The following MAML2 variants were observed in gnomAD, a reference collection of about 807,000 sequenced individuals.
MAML2 encodes mastermind-like protein 2.
A neutral mutation model predicts 96.1 loss-of-function variants in MAML2; 22 were observed. The ratio of observed to expected loss-of-function variants is 0.23; its 90% CI spans 0.16 to 0.33. The LOEUF (loss-of-function observed/expected upper bound fraction) is 0.33. MAML2 is among the 10% of genes least tolerant of loss of function. The pLI is 1.00. For synonymous variants in MAML2, 561 were observed against 521.3 expected (o/e 1.08, Z -1.04); for missense variants, 1,367 against 1,392.4 (o/e 0.98, Z 0.29).
Position 96,092,300 on chromosome 11 carries a change from G to A in MAML2, c.1731C>T (p.Ser577=), listed in dbSNP as rs1430881358. The change falls in exon 2 of 5, where the codon TCC becomes TCT. Residue 577 remains serine, a synonymous_variant. Coordinates refer to ENST00000524717, the MANE Select transcript of MAML2 (RefSeq NM_032427.4). The surrounding 1 kb of genome is among the most constrained non-coding windows in gnomAD (Gnocchi z 4.1). The part of the protein sequence containing the change: ...ANQQMPSVLP[S]QNKPSLLHYT... ...AGTGTAGGAGAGAAGGCTTGTTCTG[G>A]GAAGGCAAAACAGAAGGCATCTGCT... 17 of 1,573,976 alleles carry A rather than the reference G, an allele frequency of 1.1e-5. No individual in the cohort carries two copies. The Admixed American group carries it at 3.2e-4, about 30-fold the overall frequency.
intron 2 of MAML2, among the ~76,000 whole-genome samples, chr11:96,004,649 T>G (rs1485393005): frequency 2.0e-5 from 3 of 152,230 alleles, no homozygotes; most frequent in Admixed American, 2.0e-4. Flanking sequence ...AATGTCTGTG[T>G]GTAAATATTT....
intron 1 of MAML2, among the ~76,000 whole-genome samples, chr11:96,165,030 A>C (rs561828431): frequency 2.0e-5 from 3 of 152,332 alleles, no homozygotes; most frequent in South Asian, 2.1e-4. Context: ...ACAGAAGAAA[A>C]CGAAAGAGAT....
chr11:96,240,029 T>C (rs1862411892), intron 1 of MAML2, among the ~76,000 whole-genome samples: 1 of 152,196 alleles, frequency 6.6e-6, no homozygotes, highest in South Asian at 2.1e-4. Context: ...TTACAGTCTA[T>C]GAGAATATAT....
chr11:96,221,533 A>G (rs1862137444), intron 1 of MAML2, among the ~76,000 whole-genome samples: 1 of 152,202 alleles, frequency 6.6e-6, no homozygotes. Context: ...TGGGGAAAGC[A>G]GGAAATATTG....
At chr11:96,248,133 G>A (rs1371765650) in intron 1 of MAML2, among the ~76,000 whole-genome samples, 3 of 119,804 alleles carry the variant, frequency 2.5e-5, no homozygotes, top group African/African-American at 6.2e-5. Context: ...TTTTTTTTGA[G>A]ACAGTCTGGC....
intron 1 of MAML2, among the ~76,000 whole-genome samples, chr11:96,204,737 T>C (rs1861872999): frequency 6.6e-6 from 1 of 152,256 alleles, no homozygotes; most frequent in Non-Finnish European, 1.5e-5. Flanking sequence ...CTTAAGTTCA[T>C]ACAGCCACTT....
At chr11:96,034,202 T>G (rs141753417) in intron 2 of MAML2, among the ~76,000 whole-genome samples, 1 of 152,210 alleles carries the variant, frequency 6.6e-6, no homozygotes, top group Non-Finnish European at 1.5e-5. Context: ...AACATTGTAG[T>G]ACTTTAGGTG....
chr11:96,032,867 C>T (rs2135747619), intron 2 of MAML2, among the ~76,000 whole-genome samples: 1 of 152,224 alleles, frequency 6.6e-6, no homozygotes, highest in South Asian at 2.1e-4. Context: ...CAGCAGTTGC[C>T]AGGACTGAAG....
intron 1 of MAML2, among the ~76,000 whole-genome samples, chr11:96,147,141 T>C (rs1427913587): frequency 6.6e-6 from 1 of 152,236 alleles, no homozygotes; most frequent in Non-Finnish European, 1.5e-5. Flanking sequence ...TAATAAGTAA[T>C]TATATGCATG....
intron 1 of MAML2, among the ~76,000 whole-genome samples, chr11:96,095,434 C>A (rs1056116426): frequency 1.3e-5 from 2 of 152,216 alleles, no homozygotes; most frequent in Non-Finnish European, 2.9e-5. Context: ...TATATCATTG[C>A]TGATTGGTAA....
chr11:96,310,296 G>A (rs1250241547), intron 1 of MAML2, among the ~76,000 whole-genome samples: 1 of 151,862 alleles, frequency 6.6e-6, no homozygotes, highest in Non-Finnish European at 1.5e-5. Context: ...AACATAAAAC[G>A]TTAAAAATTT....
intron 2 of MAML2, among the ~76,000 whole-genome samples, chr11:96,026,822 A>T (rs57918525): frequency 0.22 from 3,583 of 16,126 alleles, 172 homozygotes; most frequent in African/African-American, 0.43. Context: ...CTATGGGGTT[A>T]AAAAAAAAAA....
chr11:96,084,453 G>T (rs1387908512), intron 2 of MAML2, among the ~76,000 whole-genome samples: 1 of 152,162 alleles, frequency 6.6e-6, no homozygotes, highest in African/African-American at 2.4e-5. Flanking sequence ...TTATCCAAGG[G>T]CATGTCCATC....
At chr11:96,103,424 C>G (rs549206145) in intron 1 of MAML2, among the ~76,000 whole-genome samples, 1 of 152,302 alleles carries the variant, frequency 6.6e-6, no homozygotes, top group South Asian at 2.1e-4. Context: ...CTTAGCAACT[C>G]TTTGTCCAAC....
intron 1 of MAML2, among the ~76,000 whole-genome samples, chr11:96,337,491 A>T (rs182232188): frequency 6.6e-6 from 1 of 152,310 alleles, no homozygotes; most frequent in East Asian, 1.9e-4. Flanking sequence ...TATGCCTTAG[A>T]TGTTCTGGGG....
At chr11:96,049,904 T>C (rs1478093310) in intron 2 of MAML2, among the ~76,000 whole-genome samples, 1 of 152,186 alleles carries the variant, frequency 6.6e-6, no homozygotes, top group African/African-American at 2.4e-5. Context: ...ATGTTTATTA[T>C]CATTAATAAT....
At chr11:96,000,460 T>C (rs1858063514) in intron 2 of MAML2, among the ~76,000 whole-genome samples, 1 of 152,212 alleles carries the variant, frequency 6.6e-6, no homozygotes, top group Non-Finnish European at 1.5e-5. Context: ...CTATAATATT[T>C]ACTACCTGGC....
At chr11:96,150,825 A>T (rs190334078) in intron 1 of MAML2, among the ~76,000 whole-genome samples, 1 of 151,842 alleles carries the variant, frequency 6.6e-6, no homozygotes, top group Non-Finnish European at 1.5e-5. Flanking sequence ...GGCCTCCCCA[A>T]CTCTAGTTTA....
Position 96,175,080 on chromosome 11 carries a change from C to T in MAML2, c.514-81563G>A, listed in dbSNP as rs575388558. On this transcript the variant is annotated intron_variant, in intron 1 of 4. Transcript: ENST00000524717. ...AGGGGAAAACTAGAGGGAAGGATGG[C>T]CCAAACTCCTGGGGCTGACTTCTTA... is the stretch of plus-strand genomic sequence containing the variant. 2.6e-5 allele frequency among the ~76,000 whole-genome samples: 4 copies of T among 152,316 alleles called. No individual in the cohort carries two copies. The East Asian group carries it at 7.7e-4, about 29-fold the overall frequency.
Sources: gnomAD v4.1 joint callset for allele counts (sites outside exome capture counted in the v4.1 genomes callset) on GRCh38, gnomAD v4.1.1 for gene constraint, Gnocchi (gnomAD v3.1) non-coding constraint, MANE v1.5 for transcripts, NCBI Gene and HGNC (gene_info 2026-07-23, HGNC 2026-07-21) for gene names.